SNTG2: variants seen among roughly 807,000 people sequenced by gnomAD.
The protein encoded by SNTG2 is syntrophin gamma 2.
A neutral mutation model predicts 70.9 loss-of-function variants in SNTG2; 74 were observed. The observed-to-expected ratio is 1.04, with a 90% CI of 0.86 to 1.27. SNTG2 has a LOEUF of 1.27. Ranked by LOEUF, SNTG2 falls within the 50% of genes most tolerant of loss-of-function variation. The pLI is 0.00. For missense variants in SNTG2, 717 were observed against 690.7 expected, an observed-to-expected ratio of 1.04 and a Z score of -0.43; for synonymous variants, 278 against 273.8, an observed-to-expected ratio of 1.02 and a Z score of -0.15.
chr2:1,003,728 TA>T (rs1435742299), intron 1 of SNTG2, among the ~76,000 whole-genome samples: 2 of 152,230 alleles, frequency 1.3e-5, no homozygotes, highest in Non-Finnish European at 2.9e-5. Context: ...GACGATCTAT[TA>T]ATAGATGGTC....
At chr2:1,160,489 C>T (rs535419438) in intron 6 of SNTG2, 4 of 152,146 alleles carry the variant, frequency 2.6e-5, no homozygotes, top group Non-Finnish European at 4.4e-5. Flanking sequence ...TCTCTGCTCC[C>T]CTGGAAGCCT....
At chr2:1,086,307 T>C (rs1572396405) in intron 2 of SNTG2, among the ~76,000 whole-genome samples, 2 of 152,314 alleles carry the variant, frequency 1.3e-5, no homozygotes, top group East Asian at 3.9e-4. Context: ...ACGGGCTCGC[T>C]CTCTCGCTCT....
At chr2:1,259,326 AAGT>A (rs758300937) in intron 12 of SNTG2, 41 bp from the exon 13 acceptor site, 69 of 1,599,090 alleles carry the variant, frequency 4.3e-5, no homozygotes, top group Non-Finnish European at 5.3e-5. Flanking sequence ...TTTCAACTAA[AAGT>A]AGCATGCTGC....
chr2:1,164,767 G>A (rs927062674), intron 6 of SNTG2, among the ~76,000 whole-genome samples: 9 of 151,962 alleles, frequency 5.9e-5, no homozygotes, highest in Admixed American at 5.9e-4. Flanking sequence ...GATGAAGTGA[G>A]GTAGGAACTT....
chr2:1,164,527 A>G (rs576845544), intron 6 of SNTG2, among the ~76,000 whole-genome samples: 1 of 123,616 alleles, frequency 8.1e-6, no homozygotes, highest in African/African-American at 3.3e-5. Flanking sequence ...AACCTGCCCA[A>G]ACTGTGGGCA....
In SNTG2 at chr2:1,193,474, A is replaced by G. The variant is rs533922202; in HGVS notation, c.592-15629A>G. Among the ~76,000 whole-genome samples, 49 of 152,316 alleles carry G rather than the reference A, an allele frequency of 3.2e-4. No homozygotes were observed. In the South Asian group the frequency reaches 0.01, roughly 32 times the overall value. Reference sequence around the variant, plus strand: ...GTCTATTTATTTTTCTGAGATACTAAATGAGCAACGCATATTTTAGAAGTC... The same window carrying G: ...GTCTATTTATTTTTCTGAGATACTAGATGAGCAACGCATATTTTAGAAGTC... On this transcript the variant is annotated intron_variant, in intron 8 of 16. Coordinates refer to ENST00000308624, the MANE Select transcript of SNTG2 (RefSeq NM_018968.4).
chr2:1,281,483 A>T (rs112868065), intron 14 of SNTG2, among the ~76,000 whole-genome samples: 1 of 5,910 alleles, frequency 1.7e-4, no homozygotes, highest in African/African-American at 8.1e-4. Flanking sequence ...TATGGTGTAT[A>T]TGGTGTGTGG....
intron 15 of SNTG2, among the ~76,000 whole-genome samples, chr2:1,308,967 C>T (rs866774600): frequency 3.7e-4 from 57 of 152,256 alleles, no homozygotes; most frequent in African/African-American, 9.6e-4. Flanking sequence ...TTGTGGAGGG[C>T]GGATGCCAGG....
chr2:1,213,511 A>C (rs1674181010), intron 9 of SNTG2, among the ~76,000 whole-genome samples: 2 of 152,192 alleles, frequency 1.3e-5, no homozygotes, highest in South Asian at 2.1e-4. Context: ...AATAAAAACA[A>C]GTAAGATAAT....
chr2:1,001,318 A>T (rs770311757), intron 1 of SNTG2, among the ~76,000 whole-genome samples: 60 of 152,068 alleles, frequency 3.9e-4, no homozygotes, highest in Non-Finnish European at 8.0e-4. Context: ...GGAAAAGAGG[A>T]TGTCAAATTA....
chr2:1,348,228 AAT>A (rs1008566202), intron 16 of SNTG2, among the ~76,000 whole-genome samples: 1 of 152,210 alleles, frequency 6.6e-6, no homozygotes, highest in Non-Finnish European at 1.5e-5. Context: ...GTAAACCAAA[AAT>A]AAAATTCTAA....
intron 16 of SNTG2, among the ~76,000 whole-genome samples, chr2:1,350,006 T>C (rs1660493402): frequency 6.6e-6 from 1 of 152,220 alleles, no homozygotes; most frequent in Non-Finnish European, 1.5e-5. Context: ...CAACTTATAA[T>C]GTCTGTTTAA....
intron 13 of SNTG2, among the ~76,000 whole-genome samples, chr2:1,265,575 T>C (rs12998317): frequency 6.6e-6 from 1 of 151,932 alleles, no homozygotes. Flanking sequence ...CCCCGGAGAG[T>C]CCAGAAGGCC....
At chr2:983,014 G>T (rs1272917059) in intron 1 of SNTG2, among the ~76,000 whole-genome samples, 6 of 151,962 alleles carry the variant, frequency 3.9e-5, no homozygotes, top group African/African-American at 1.5e-4. Flanking sequence ...TGAAGAAGCT[G>T]CAGAGGTGAT....
chr2:1,191,012 C>G (rs1304750223), intron 8 of SNTG2, among the ~76,000 whole-genome samples: 1 of 152,140 alleles, frequency 6.6e-6, no homozygotes, highest in African/African-American at 2.4e-5. Context: ...CAGAGACATG[C>G]AGCAAAATTC....
At chr2:1,139,242 T>C (rs1668595215) in intron 6 of SNTG2, among the ~76,000 whole-genome samples, 1 of 152,152 alleles carries the variant, frequency 6.6e-6, no homozygotes, top group African/African-American at 2.4e-5. Flanking sequence ...TGTTTCATTT[T>C]GTTTTTGAGA....
chr2:1,276,736 A>C (rs1460365918), intron 14 of SNTG2, among the ~76,000 whole-genome samples: 1 of 152,240 alleles, frequency 6.6e-6, no homozygotes, highest in Non-Finnish European at 1.5e-5. Context: ...ATAAGGTTAT[A>C]GCTGCCATAG....
At chr2:1,323,687 TA>T (rs1354970864) in intron 16 of SNTG2, among the ~76,000 whole-genome samples, 10 of 132,262 alleles carry the variant, frequency 7.6e-5, no homozygotes, top group East Asian at 2.4e-4. Flanking sequence ...TGAGACCCCC[TA>T]GTAGGCTGGA....
chr2:1,145,846 A>G (rs1286126324), intron 6 of SNTG2, among the ~76,000 whole-genome samples: 1 of 152,232 alleles, frequency 6.6e-6, no homozygotes, highest in Non-Finnish European at 1.5e-5. Context: ...TCTAAAAAGA[A>G]TTACACACCA....
Sources: allele counts gnomAD v4.1 joint callset (sites outside exome capture counted in the v4.1 genomes callset), GRCh38; gene constraint gnomAD v4.1.1; transcripts MANE v1.5; gene names NCBI Gene and HGNC (gene_info 2026-07-23, HGNC 2026-07-21).